The following RYR2 variants were observed in gnomAD, a reference collection of about 807,000 sequenced individuals.
RYR2 encodes ryanodine receptor 2.
Under a neutral mutation model 601.1 loss-of-function variants are expected in RYR2, and 227 were observed. The observed-to-expected ratio is 0.38, with a 90% CI of 0.34 to 0.42. RYR2 has a LOEUF of 0.42. Ranked by LOEUF, RYR2 falls within the 10% of genes least tolerant of loss-of-function variation. RYR2 has a pLI of 1.00. For missense variants in RYR2, 4,646 were observed against 6,156.5 expected (o/e 0.75, Z 8.21); for synonymous variants, 2,223 against 2,175.1 (o/e 1.02, Z -0.61).
intron 1 of RYR2, among the ~76,000 whole-genome samples, chr1:237,075,105 C>A (rs76280775): frequency 9.2e-5 from 14 of 152,036 alleles, no homozygotes; most frequent in African/African-American, 3.1e-4. Context: ...GATATCACTG[C>A]GTGAATTTAA....
At chr1:237,098,241 T>C (rs1027664001) in intron 1 of RYR2, among the ~76,000 whole-genome samples, 1 of 152,240 alleles carries the variant, frequency 6.6e-6, no homozygotes, top group African/African-American at 2.4e-5. Flanking sequence ...TTTTAATTTC[T>C]TCTCCAGCTT....
intron 1 of RYR2, among the ~76,000 whole-genome samples, chr1:237,162,727 A>G (rs1676167597): frequency 6.6e-6 from 1 of 152,128 alleles, no homozygotes; most frequent in Non-Finnish European, 1.5e-5. Context: ...CAGGCAGGGA[A>G]GGAGGGGTAT....
intron 1 of RYR2, among the ~76,000 whole-genome samples, chr1:237,061,274 A>G (rs1291359150): frequency 8.1e-6 from 1 of 123,492 alleles, no homozygotes; most frequent in African/African-American, 3.0e-5. Context: ...CTATCCATCT[A>G]TCATCTATCT....
chr1:237,654,078 A>G (rs778354135), intron 51 of RYR2, among the ~76,000 whole-genome samples, 196 bp from the exon 52 acceptor site: 5 of 152,158 alleles, frequency 3.3e-5, no homozygotes, highest in Non-Finnish European at 5.9e-5. Flanking sequence ...AAATTCAATC[A>G]AGTTGACCCT....
chr1:237,634,787 A>G (rs529589492), intron 43 of RYR2, 102 bp from the exon 44 acceptor site: 1 of 802,982 alleles, frequency 1.2e-6, no homozygotes, highest in African/African-American at 1.7e-5. Context: ...TACACTATGG[A>G]TGGTGTTTAG....
At chr1:237,384,425 G>A (rs539644299) in intron 8 of RYR2, among the ~76,000 whole-genome samples, 114 of 152,258 alleles carry the variant, frequency 7.5e-4, no homozygotes, top group Admixed American at 2.2e-3. Context: ...CAAAGCTCTC[G>A]GCTGTAATGT....
intron 1 of RYR2, among the ~76,000 whole-genome samples, chr1:237,226,403 G>T (rs953266844): frequency 2.0e-5 from 3 of 152,150 alleles, no homozygotes; most frequent in African/African-American, 7.2e-5. Flanking sequence ...GTTACTGACA[G>T]TGTGGCCAAT....
chr1:237,521,745 T>TAAA (rs11301725), intron 24 of RYR2, among the ~76,000 whole-genome samples: 27 of 113,382 alleles, frequency 2.4e-4, no homozygotes, highest in Middle Eastern at 5.2e-3. Context: ...ATTAAATACA[T>TAAA]AAAAAAAAAT....
intron 92 of RYR2, 67 bp from the exon 93 acceptor site, chr1:237,791,362 T>C (rs1658357297): frequency 8.6e-6 from 7 of 814,594 alleles, no homozygotes; most frequent in Non-Finnish European, 1.5e-5. Context: ...GAATGCTTTA[T>C]TTAAATTGAC....
intron 1 of RYR2, among the ~76,000 whole-genome samples, chr1:237,133,924 C>CAAAAAAAAAA (rs10639948): frequency 1.0e-5 from 1 of 100,448 alleles, no homozygotes. Flanking sequence ...GACTCCGTCT[C>CAAAAAAAAAA]AAAAAAAAAA....
chr1:237,820,878 T>C (rs1662412315), intron 101 of RYR2, among the ~76,000 whole-genome samples: 1 of 152,170 alleles, frequency 6.6e-6, no homozygotes, highest in Admixed American at 6.5e-5. Flanking sequence ...TAGGCAGTTT[T>C]ACCCTCACAA....
intron 58 of RYR2, among the ~76,000 whole-genome samples, chr1:237,673,474 T>C (rs1685134881): frequency 6.6e-6 from 1 of 152,152 alleles, no homozygotes; most frequent in South Asian, 2.1e-4. Flanking sequence ...TCAGGATAAG[T>C]ATACTAGGAA....
At position 237,313,659 on chromosome 1, in the gene RYR2, A is replaced by T. The variant is rs556950579; in HGVS notation, c.169-17219A>T. Among the ~76,000 whole-genome samples the T allele has an allele frequency of 6.4e-4, 98 of 152,334 alleles. No individual in the cohort carries two copies. In the Middle Eastern group the frequency reaches 0.01, roughly 16 times the overall value. ...TCTAGAACTGTTAGAGAAAAAAATT[A>T]TGTTGTTTTAAGCCACTGTTCATGG... On this transcript the variant is annotated intron_variant, in intron 2 of 104. Coordinates refer to ENST00000366574, the MANE Select transcript of RYR2 (RefSeq NM_001035.3).
rs1663580369 is a variant in RYR2 at position 237,492,959 on chromosome 1, G to A, written c.1833G>A (p.Leu611=). 5 of 1,585,990 alleles carry A rather than the reference G, an allele frequency of 3.2e-6. No individual in the cohort carries two copies. Among genetic ancestry groups the A allele is most frequent in the Admixed American group, 3.6e-5 (2 of 56,064 alleles). The part of the protein sequence containing the change: ...LDKHGRNHKV[L]DVLCSLCVCH... ...AAAGTAATTTCTCTTTTCAGGTTCT[G>A]GATGTCTTGTGCTCACTCTGTGTTT... is the stretch of plus-strand genomic sequence containing the variant. Residue 611 remains leucine (L), a synonymous_variant, in exon 19 of 105, where the codon CTG becomes CTA. Coordinates refer to ENST00000366574, the MANE Select transcript of RYR2 (RefSeq NM_001035.3).
intron 2 of RYR2, 71 bp from the exon 3 acceptor site, chr1:237,330,807 T>G: frequency 8.5e-7 from 1 of 1,171,712 alleles, no homozygotes; most frequent in Non-Finnish European, 1.3e-6. Flanking sequence ...AACTGGAGCC[T>G]CCTAAGGTAA....
At chr1:237,119,945 A>C (rs73117620) in intron 1 of RYR2, among the ~76,000 whole-genome samples, 16,055 of 152,202 alleles carry the variant, frequency 0.11, 1,677 homozygotes, top group African/African-American at 0.27. Flanking sequence ...AGGACACAGC[A>C]ATCACCTTTC....
rs777035251 is a variant in RYR2, at chr1:237,631,830, G to A, written c.6555+289G>A. 3.0e-3 allele frequency among the ~76,000 whole-genome samples: 456 copies of A among 150,502 alleles called. 1 individual carries two copies. The highest frequency in any genetic ancestry group is 5.1e-3 in the Non-Finnish European group (347 of 67,780). On this transcript the variant is annotated intron_variant, in intron 42 of 104. Coordinates refer to ENST00000366574, the MANE Select transcript of RYR2 (RefSeq NM_001035.3). ...TTTTTAGTAGAGACGGGGTTTCACT[G>A]TGTTAGCCAGGATGGTCTCGATCTC...
chr1:237,085,846 C>G (rs1198344901), intron 1 of RYR2, among the ~76,000 whole-genome samples: 2 of 152,186 alleles, frequency 1.3e-5, no homozygotes, highest in Non-Finnish European at 2.9e-5. Flanking sequence ...CTCCGCCTCC[C>G]AGGCTCAAGT....
chr1:237,429,909 C>T (rs1394550826), intron 12 of RYR2, among the ~76,000 whole-genome samples: 2 of 151,738 alleles, frequency 1.3e-5, no homozygotes, highest in African/African-American at 4.8e-5. Context: ...CACACATTTG[C>T]AATAAAGATT....
Sources: gnomAD v4.1 joint callset for allele counts (sites outside exome capture counted in the v4.1 genomes callset) on GRCh38, gnomAD v4.1.1 for gene constraint, MANE v1.5 for transcripts, NCBI Gene and HGNC (gene_info 2026-07-23, HGNC 2026-07-21) for gene names.